Variants in SCML4 observed in about 807,000 individuals in gnomAD.
The protein encoded by SCML4 is Scm polycomb group protein like 4.
A neutral mutation model predicts 41.1 loss-of-function variants in SCML4; 34 were observed. That is an observed-to-expected ratio of 0.83 (90% CI 0.63 to 1.10). SCML4 has a LOEUF of 1.10. Ranked by LOEUF, SCML4 falls within the 50% of genes least tolerant of loss-of-function variation. The pLI is 0.00. For synonymous variants in SCML4, 214 were observed against 220.9 expected, an observed-to-expected ratio of 0.97 and a Z score of 0.28; for missense variants, 522 against 534.1, an observed-to-expected ratio of 0.98 and a Z score of 0.22.
chr6:107,739,539 A>T (rs1258041174), intron 5 of SCML4, among the ~76,000 whole-genome samples: 2 of 152,134 alleles, frequency 1.3e-5, no homozygotes, highest in African/African-American at 4.8e-5. Context: ...CTTGAACAGA[A>T]CAACCCTGGG....
At chr6:107,790,856 G>A (rs1200833647) in intron 1 of SCML4, among the ~76,000 whole-genome samples, 1 of 152,124 alleles carries the variant, frequency 6.6e-6, no homozygotes, top group Non-Finnish European at 1.5e-5. Flanking sequence ...GATCACGGGA[G>A]GTCAGGAGTT....
chr6:107,840,886 A>G, the SCML4 span, among the ~76,000 whole-genome samples: 119,128 of 152,006 alleles, frequency 0.78, 47,003 homozygotes, highest in East Asian at 0.95. Context: ...TACCATGCAT[A>G]GCAGAGCAAG....
rs10677944 is a variant in SCML4, at chr6:107,822,508, C to CTTTTTTTTTTTTTTTTTTTTTTTT, written c.-60+1617_-60+1618insAAAAAAAAAAAAAAAAAAAAAAAA. ...ATTTACTCTTTTCTTTTTTTCTTTT[C>CTTTTTTTTTTTTTTTTTTTTTTTT]TTTTTTTTTTTTTGCAGCAAAATAA... On this transcript the variant is annotated intron_variant, in intron 1 of 7. Coordinates refer to ENST00000369020, the MANE Select transcript of SCML4 (RefSeq NM_198081.5). Among the ~76,000 whole-genome samples the CTTTTTTTTTTTTTTTTTTTTTTTT allele has an allele frequency of 9.4e-5, 13 of 138,000 alleles. 1 individual carries two copies. Among genetic ancestry groups the CTTTTTTTTTTTTTTTTTTTTTTTT allele is most frequent in the African/African-American group, 2.9e-4 (10 of 34,852 alleles). The allele number at this position is 138,000 out of a possible 152,430, so 90.5% of individuals were successfully genotyped here. A position where few individuals can be genotyped will look rare whatever the true frequency, so the allele number is the denominator to read the frequency against.
At chr6:107,747,218 G>T (rs566250611) in intron 3 of SCML4, among the ~76,000 whole-genome samples, 13 of 152,284 alleles carry the variant, frequency 8.5e-5, no homozygotes, top group Non-Finnish European at 1.6e-4. Context: ...TTTCCATGCT[G>T]GGAAAATGTA....
chr6:107,713,606 T>C (rs1774449617), intron 6 of SCML4, among the ~76,000 whole-genome samples: 1 of 152,374 alleles, frequency 6.6e-6, no homozygotes, highest in East Asian at 1.9e-4. Context: ...TTAAGAATAT[T>C]TTAAGAATCA....
chr6:107,825,926 G>C (rs1457077255), upstream of SCML4, among the ~76,000 whole-genome samples: 1 of 90,772 alleles, frequency 1.1e-5, no homozygotes, highest in Non-Finnish European at 2.0e-5. Context: ...GACAGAGCGA[G>C]ACTCCATCTC....
At chr6:107,759,757 C>A (rs1328848848) in intron 2 of SCML4, among the ~76,000 whole-genome samples, 2 of 152,058 alleles carry the variant, frequency 1.3e-5, no homozygotes, top group Non-Finnish European at 2.9e-5. Context: ...AAGTAATAAA[C>A]CTTCAGAATG....
intron 6 of SCML4, chr6:107,719,929 A>G (rs1038605500): frequency 9.1e-6 from 9 of 985,354 alleles, no homozygotes; most frequent in African/African-American, 3.5e-5. Flanking sequence ...TAAAACATCA[A>G]TCAGAAGGGC....
intron 2 of SCML4, among the ~76,000 whole-genome samples, chr6:107,759,640 C>G (rs1299571193): frequency 6.6e-6 from 1 of 152,138 alleles, no homozygotes; most frequent in Non-Finnish European, 1.5e-5. Flanking sequence ...TTATAAAACA[C>G]TAGCATGTAT....
chr6:107,771,401 A>G (rs1583544463), intron 2 of SCML4, among the ~76,000 whole-genome samples: 1 of 148,736 alleles, frequency 6.7e-6, no homozygotes, highest in South Asian at 2.2e-4. Context: ...AATGCCCGAA[A>G]GGTTTGTGAA....
chr6:107,819,576 G>T (rs990742302), intron 1 of SCML4, among the ~76,000 whole-genome samples: 5 of 151,320 alleles, frequency 3.3e-5, no homozygotes, highest in African/African-American at 9.7e-5. Flanking sequence ...TTTCTCAAAA[G>T]GCTAAGACAG....
At chr6:107,823,476 C>T (rs994990357) in intron 1 of SCML4, among the ~76,000 whole-genome samples, 4 of 152,132 alleles carry the variant, frequency 2.6e-5, no homozygotes, top group Admixed American at 2.6e-4. Flanking sequence ...AAAACTGCCG[C>T]TAATACTCCA....
chr6:107,781,589 G>A (rs906656201), intron 1 of SCML4, among the ~76,000 whole-genome samples: 2 of 151,626 alleles, frequency 1.3e-5, no homozygotes, highest in African/African-American at 4.9e-5. Context: ...TGACACTGCC[G>A]TAGCTGTGAT....
chr6:107,778,223 ATATATATAT>A (rs1211545205), intron 1 of SCML4, among the ~76,000 whole-genome samples: 17 of 3,128 alleles, frequency 5.4e-3, no homozygotes, highest in African/African-American at 8.6e-3. Flanking sequence ...AAAAAAAAAA[ATATATATAT>A]ATATATATAT....
intron 1 of SCML4, among the ~76,000 whole-genome samples, chr6:107,804,388 G>A (rs904094440): frequency 6.6e-6 from 1 of 152,164 alleles, no homozygotes; most frequent in African/African-American, 2.4e-5. Context: ...GGCAAGATGG[G>A]ATCCAGGTCT....
chr6:107,770,686 T>C (rs564766765), intron 2 of SCML4, among the ~76,000 whole-genome samples: 2 of 152,284 alleles, frequency 1.3e-5, no homozygotes, highest in African/African-American at 4.8e-5. Context: ...AACTACCCTT[T>C]TGAGGAGACA....
chr6:107,811,913 C>A (rs371622275), intron 1 of SCML4, among the ~76,000 whole-genome samples: 11 of 152,224 alleles, frequency 7.2e-5, no homozygotes, highest in African/African-American at 2.2e-4. Context: ...CCCATCTGAA[C>A]TGTTGAGCAG....
chr6:107,736,888 C>T (rs1777122351), intron 5 of SCML4, among the ~76,000 whole-genome samples: 1 of 152,232 alleles, frequency 6.6e-6, no homozygotes, highest in African/African-American at 2.4e-5. Context: ...TGTCCGTTCT[C>T]ATCTTCCACC....
chr6:107,750,436 A>G (rs374709350), intron 2 of SCML4, among the ~76,000 whole-genome samples: 9 of 152,356 alleles, frequency 5.9e-5, no homozygotes, highest in East Asian at 5.8e-4. Context: ...TTATGGAGTA[A>G]GGGGAAGATG....
Sources: allele counts gnomAD v4.1 joint callset (sites outside exome capture counted in the v4.1 genomes callset), GRCh38; gene constraint gnomAD v4.1.1; transcripts MANE v1.5; gene names NCBI Gene and HGNC (gene_info 2026-07-23, HGNC 2026-07-21).